NRG3: variants seen among roughly 807,000 people sequenced by gnomAD.
NRG3 encodes neuregulin 3, also known as pro-neuregulin-3, membrane-bound isoform.
NRG3 carries 31 observed loss-of-function variants against 66.9 expected under a neutral mutation model. The observed-to-expected ratio is 0.46, with a 90% CI of 0.35 to 0.63. The LOEUF is 0.63. Among genes scored for constraint, NRG3 ranks in the 20% least tolerant of loss-of-function variants. The pLI is 0.00. For synonymous variants in NRG3, 393 were observed against 359.4 expected (o/e 1.09, Z -1.06); for missense variants, 910 against 878.9 (o/e 1.04, Z -0.45).
intron 3 of NRG3, among the ~76,000 whole-genome samples, chr10:82,834,194 G>A (rs527593603): frequency 5.3e-5 from 8 of 152,188 alleles, no homozygotes; most frequent in South Asian, 4.1e-4. Context: ...TTCTTTGCTC[G>A]TCTCAGCTCT....
At chr10:82,779,911 C>T (rs568996871) in intron 3 of NRG3, among the ~76,000 whole-genome samples, 105 of 134,680 alleles carry the variant, frequency 7.8e-4, no homozygotes, top group African/African-American at 2.6e-3. Context: ...GTGATATTCT[C>T]CTCCCTGTGT....
chr10:82,929,159 A>T (rs2132139227), intron 4 of NRG3, among the ~76,000 whole-genome samples: 1 of 152,296 alleles, frequency 6.6e-6, no homozygotes, highest in South Asian at 2.1e-4. Context: ...AGGTACAGAC[A>T]TTTGCTGAAT....
At chr10:82,444,086 T>TA (rs1182615509) in intron 2 of NRG3, among the ~76,000 whole-genome samples, 2 of 152,248 alleles carry the variant, frequency 1.3e-5, no homozygotes, top group Admixed American at 6.5e-5. Context: ...TTCATTCTCT[T>TA]AAAAAAAATT....
chr10:82,317,832 C>T (rs1446874241), intron 1 of NRG3, among the ~76,000 whole-genome samples: 1 of 151,944 alleles, frequency 6.6e-6, no homozygotes, highest in African/African-American at 2.4e-5. Context: ...TTGAGGGCTC[C>T]AAATTTAAAG....
chr10:82,764,278 G>C (rs745885229), intron 3 of NRG3, among the ~76,000 whole-genome samples: 1 of 152,036 alleles, frequency 6.6e-6, no homozygotes, highest in East Asian at 1.9e-4. Context: ...CAAGTGATCT[G>C]CCCGCTTCAG....
At chr10:82,304,435 A>G (rs1032070630) in intron 1 of NRG3, among the ~76,000 whole-genome samples, 3 of 152,102 alleles carry the variant, frequency 2.0e-5, no homozygotes, top group African/African-American at 7.2e-5. Context: ...CCAGTTTATC[A>G]TTTGTCTTTT....
At chr10:82,487,070 ATG>A (rs1842743139) in intron 2 of NRG3, among the ~76,000 whole-genome samples, 2 of 148,584 alleles carry the variant, frequency 1.3e-5, no homozygotes, top group South Asian at 2.1e-4. Context: ...TGTATAATAT[ATG>A]TATATATAAT....
At chr10:82,166,885 G>GTTT in intron 1 of NRG3, 1 of 579,996 alleles carries the variant, frequency 1.7e-6, no homozygotes, top group Non-Finnish European at 3.1e-6. Flanking sequence ...TTTCTCAGTA[G>GTTT]TTTTTTTTTA....
At chr10:82,241,118 A>C (rs1210030530) in intron 1 of NRG3, among the ~76,000 whole-genome samples, 1 of 152,164 alleles carries the variant, frequency 6.6e-6, no homozygotes, top group South Asian at 2.1e-4. Context: ...ACATTAGAGA[A>C]GTGATATACT....
intron 1 of NRG3, among the ~76,000 whole-genome samples, chr10:81,888,875 G>A (rs979800168): frequency 1.3e-5 from 2 of 152,156 alleles, no homozygotes; most frequent in African/African-American, 4.8e-5. Flanking sequence ...AGAGAGGAAT[G>A]AGCAGCGAAT....
At chr10:82,030,436 T>G (rs889885920) in intron 1 of NRG3, among the ~76,000 whole-genome samples, 1 of 152,084 alleles carries the variant, frequency 6.6e-6, no homozygotes, top group Non-Finnish European at 1.5e-5. Flanking sequence ...CTTGATTTTA[T>G]GTTTATCTTC....
At chr10:82,244,498 A>G (rs1386271105) in intron 1 of NRG3, among the ~76,000 whole-genome samples, 4 of 152,164 alleles carry the variant, frequency 2.6e-5, no homozygotes, top group Non-Finnish European at 5.9e-5. Context: ...AATAAGGACG[A>G]TGGAATAGGT....
chr10:82,317,874 T>A (rs773697366), intron 1 of NRG3, among the ~76,000 whole-genome samples: 11 of 152,148 alleles, frequency 7.2e-5, no homozygotes, highest in Non-Finnish European at 1.2e-4. Context: ...AAGTAGACAA[T>A]TTCATGTAAG....
intron 3 of NRG3, among the ~76,000 whole-genome samples, chr10:82,742,719 T>C (rs559393715): frequency 6.6e-6 from 1 of 152,232 alleles, no homozygotes; most frequent in South Asian, 2.1e-4. Context: ...CCTCCTATGC[T>C]GCCAGCGCAC....
chr10:82,446,807 A>G (rs1182240682), intron 2 of NRG3, among the ~76,000 whole-genome samples: 2 of 152,196 alleles, frequency 1.3e-5, no homozygotes, highest in South Asian at 2.1e-4. Context: ...TTGAAGAAAA[A>G]AAATTCAAAA....
At chr10:82,437,536 T>C (rs1023901615) in intron 2 of NRG3, among the ~76,000 whole-genome samples, 1 of 152,128 alleles carries the variant, frequency 6.6e-6, no homozygotes, top group African/African-American at 2.4e-5. Flanking sequence ...AGCCTACTTC[T>C]GTCAATTCAT....
chr10:82,515,809 A>C (rs957946090), intron 2 of NRG3, among the ~76,000 whole-genome samples: 21 of 152,288 alleles, frequency 1.4e-4, no homozygotes, highest in African/African-American at 4.8e-4. Flanking sequence ...GGAAGTTTAT[A>C]GTATCCCCAT....
chr10:82,826,006 G>T (rs2062188295), intron 3 of NRG3, among the ~76,000 whole-genome samples: 2 of 152,090 alleles, frequency 1.3e-5, no homozygotes, highest in Non-Finnish European at 1.5e-5. Flanking sequence ...AGATATTTTA[G>T]CTTATTGTAT....
At chr10:82,211,014 C>A (rs1474285414) in intron 1 of NRG3, among the ~76,000 whole-genome samples, 1 of 151,504 alleles carries the variant, frequency 6.6e-6, no homozygotes, top group Non-Finnish European at 1.5e-5. Flanking sequence ...CCAGAAATGA[C>A]CTTTTGAGCT....
Sources: gnomAD v4.1 joint callset for allele counts (sites outside exome capture counted in the v4.1 genomes callset) on GRCh38, gnomAD v4.1.1 for gene constraint, MANE v1.5 for transcripts, NCBI Gene and HGNC (gene_info 2026-07-23, HGNC 2026-07-21) for gene names.